The following DNM3 variants were observed in gnomAD, a reference collection of about 807,000 sequenced individuals.
The protein encoded by DNM3 is dynamin 3.
A neutral mutation model predicts 101.6 loss-of-function variants in DNM3; 47 were observed. The ratio of observed to expected loss-of-function variants is 0.46; its 90% CI spans 0.37 to 0.59. DNM3 has a LOEUF of 0.59. DNM3 is among the 20% of genes least tolerant of loss of function. The probability of loss-of-function intolerance (pLI) is 0.00; values close to 1 mark genes in which losing one functional copy is unlikely to be tolerated. For synonymous variants in DNM3, 385 were observed against 387.9 expected (o/e 0.99, Z 0.09); for missense variants, 849 against 1,085.7 (o/e 0.78, Z 3.06).
chr1:172,162,555 G>A (rs992704916), intron 14 of DNM3, among the ~76,000 whole-genome samples: 7 of 151,994 alleles, frequency 4.6e-5, no homozygotes, highest in African/African-American at 9.7e-5. Context: ...TGCTTTAAAC[G>A]TATTCCACTA....
At chr1:172,156,249 C>T (rs1232322461) in intron 14 of DNM3, among the ~76,000 whole-genome samples, 3 of 152,010 alleles carry the variant, frequency 2.0e-5, no homozygotes, top group Non-Finnish European at 2.9e-5. Context: ...TCTAATATGA[C>T]CACCCCAGTG....
intron 15 of DNM3, among the ~76,000 whole-genome samples, chr1:172,256,191 G>C (rs1457892984): frequency 1.3e-5 from 2 of 152,016 alleles, no homozygotes; most frequent in Non-Finnish European, 2.9e-5. Flanking sequence ...TTTCTGCCTG[G>C]TTTTAATATC....
At chr1:171,863,584 C>T (rs530428455) in intron 1 of DNM3, among the ~76,000 whole-genome samples, 8 of 152,232 alleles carry the variant, frequency 5.3e-5, no homozygotes, top group African/African-American at 1.9e-4. Flanking sequence ...CTGCTAAAAT[C>T]CCTGTTACCC....
At chr1:172,289,572 A>T in intron 15 of DNM3, 1 of 953,212 alleles carries the variant, frequency 1.0e-6, no homozygotes, top group Non-Finnish European at 1.2e-6. Flanking sequence ...CTCCACATTA[A>T]TTCTTGACTT....
intron 10 of DNM3, 65 bp from the exon 11 acceptor site, chr1:172,068,754 C>T: frequency 7.5e-7 from 1 of 1,332,278 alleles, no homozygotes; most frequent in East Asian, 2.5e-5. Flanking sequence ...CATAATTTAT[C>T]TCTGCTTCTT....
chr1:171,926,502 C>T (rs148519429), intron 2 of DNM3, among the ~76,000 whole-genome samples: 1 of 152,038 alleles, frequency 6.6e-6, no homozygotes, highest in Non-Finnish European at 1.5e-5. Flanking sequence ...GGATCTTGGC[C>T]CCTTTGTCAA....
intron 11 of DNM3, among the ~76,000 whole-genome samples, chr1:172,069,239 A>G (rs1213063736): frequency 1.3e-5 from 2 of 152,104 alleles, no homozygotes; most frequent in Admixed American, 6.5e-5. Context: ...AACATACCAC[A>G]TTTTCTCTTT....
chr1:172,245,729 G>A (rs1472155392), intron 14 of DNM3, among the ~76,000 whole-genome samples: 2 of 152,192 alleles, frequency 1.3e-5, no homozygotes. Flanking sequence ...TAAGGTTCCA[G>A]CCAGACGGAG....
chr1:171,942,363 T>C (rs1000201647), intron 2 of DNM3, among the ~76,000 whole-genome samples: 4 of 152,062 alleles, frequency 2.6e-5, no homozygotes, highest in Non-Finnish European at 2.9e-5. Context: ...GAAATGAAAG[T>C]TGTAGAGATA....
At chr1:172,002,036 A>C (rs1341105118) in intron 4 of DNM3, among the ~76,000 whole-genome samples, 1 of 152,050 alleles carries the variant, frequency 6.6e-6, no homozygotes, top group Non-Finnish European at 1.5e-5. Flanking sequence ...TATAAACTGC[A>C]AAAATAAAAA....
intron 16 of DNM3, among the ~76,000 whole-genome samples, chr1:172,323,094 T>C (rs1361117357): frequency 2.0e-5 from 3 of 152,196 alleles, no homozygotes; most frequent in Non-Finnish European, 4.4e-5. Flanking sequence ...AAATGTATGA[T>C]TTCATGTAAC....
intron 1 of DNM3, among the ~76,000 whole-genome samples, chr1:171,850,780 T>C (rs1026813287): frequency 3.9e-5 from 6 of 151,988 alleles, no homozygotes; most frequent in African/African-American, 1.5e-4. Context: ...TTTTTTTTTT[T>C]TTCCTCAGAG....
intron 13 of DNM3, among the ~76,000 whole-genome samples, chr1:172,114,274 G>T (rs547077380): frequency 6.6e-6 from 1 of 152,170 alleles, no homozygotes; most frequent in East Asian, 1.9e-4. Context: ...TTGCCAGAAG[G>T]TACAGCAAGG....
intron 17 of DNM3, among the ~76,000 whole-genome samples, chr1:172,368,477 G>T (rs2068145644): frequency 6.6e-6 from 1 of 151,788 alleles, no homozygotes; most frequent in African/African-American, 2.4e-5. Context: ...AGCAAAAGCA[G>T]TAGTAAGAAG....
chr1:172,239,322 A>G (rs555197766), intron 14 of DNM3, among the ~76,000 whole-genome samples: 195 of 152,322 alleles, frequency 1.3e-3, no homozygotes, highest in African/African-American at 4.5e-3. Flanking sequence ...CATTGAAGAG[A>G]GAACACCATA....
In DNM3 at chr1:172,308,858, T is replaced by G; in HGVS notation, c.1881+19T>G. On this transcript the variant is annotated intron_variant, in intron 16 of 20. Transcript: ENST00000627582. ...ATCTGTAGTAAGTTGGATATATCTC[T>G]TATGTAAAAATTATTATTAGCTATG... is the stretch of plus-strand genomic sequence containing the variant. 68 of 1,433,110 alleles carry G rather than the reference T, an allele frequency of 4.7e-5. No homozygotes were observed. The highest frequency in any genetic ancestry group is 6.1e-5 in the Non-Finnish European group (63 of 1,027,612). 88.8% of individuals were successfully genotyped at this position (1,433,110 alleles called of 1,614,324 possible). A position where few individuals can be genotyped will look rare whatever the true frequency, so the allele number is the denominator to read the frequency against.
chr1:172,204,334 A>G (rs2060256385), intron 14 of DNM3, among the ~76,000 whole-genome samples: 1 of 152,150 alleles, frequency 6.6e-6, no homozygotes, highest in East Asian at 1.9e-4. Context: ...TTGTGTTAAT[A>G]TAAGACTAAG....
intron 20 of DNM3, among the ~76,000 whole-genome samples, chr1:172,403,659 T>G (rs2070675166): frequency 6.6e-6 from 1 of 152,144 alleles, no homozygotes; most frequent in South Asian, 2.1e-4. Flanking sequence ...CAAATACAAC[T>G]TCAAGTATTA....
At chr1:172,199,604 A>G (rs1335481013) in intron 14 of DNM3, among the ~76,000 whole-genome samples, 1 of 152,134 alleles carries the variant, frequency 6.6e-6, no homozygotes, top group East Asian at 1.9e-4. Flanking sequence ...TGTTGGGTGC[A>G]TATATGTTTA....
Sources: gnomAD v4.1 joint callset for allele counts (sites outside exome capture counted in the v4.1 genomes callset) on GRCh38, gnomAD v4.1.1 for gene constraint, MANE v1.5 for transcripts, NCBI Gene and HGNC (gene_info 2026-07-23, HGNC 2026-07-21) for gene names.